Variants in TBCD observed in about 807,000 individuals in gnomAD.
The protein encoded by TBCD is tubulin folding cofactor D.
TBCD carries 105 observed loss-of-function variants against 169.3 expected under a neutral mutation model. The ratio of observed to expected loss-of-function variants is 0.62; its 90% CI spans 0.53 to 0.73. The LOEUF (loss-of-function observed/expected upper bound fraction) is 0.73, where lower values mean the gene tolerates loss of function less well. Ranked by LOEUF, TBCD falls within the 30% of genes least tolerant of loss-of-function variation. TBCD has a pLI of 0.00. For missense variants in TBCD, 1,444 were observed against 1,600.1 expected (o/e 0.90, Z 1.66); for synonymous variants, 700 against 643.9 (o/e 1.09, Z -1.32).
In TBCD at chr17:82,831,753, G is replaced by C; in HGVS notation, c.1318+16819G>C. ...GGTACTCTGGGATTGTGGGGTGCAT[G>C]TAAGGGGAAATGGCCCCAAGCCCCT... On this transcript the variant is annotated intron_variant, in intron 13 of 38. Transcript: ENST00000355528. This position sits in a 1 kb window ranked among gnomAD's most constrained non-coding sequence, Gnocchi z 4.6. 6.2e-7 allele frequency: 1 copy of C among 1,614,164 alleles called. No homozygotes were observed. Among genetic ancestry groups the C allele is most frequent in the Non-Finnish European group, 8.5e-7 (1 of 1,180,026 alleles).
chr17:82,846,049 G>C (rs951641653), intron 13 of TBCD, among the ~76,000 whole-genome samples: 1 of 152,250 alleles, frequency 6.6e-6, no homozygotes. Context: ...CTTCAGGAAC[G>C]GCTCCGGGCC....
intron 6 of TBCD, among the ~76,000 whole-genome samples, 196 bp downstream of exon 6, chr17:82,772,703 CAGT>C (rs1373172701): frequency 6.6e-6 from 1 of 152,212 alleles, no homozygotes; most frequent in Non-Finnish European, 1.5e-5. Context: ...TGACCACCCT[CAGT>C]GGTGGTTTGG....
intron 12 of TBCD, among the ~76,000 whole-genome samples, chr17:82,814,095 A>G (rs1411314679): frequency 6.6e-6 from 1 of 152,204 alleles, no homozygotes; most frequent in Non-Finnish European, 1.5e-5. Context: ...GACTTGATCG[A>G]TGGCCATTGC....
chr17:82,926,503 C>T lies in TBCD; in HGVS notation c.2471+12C>T, dbSNP rs770590693. ...AAGGCCATTGCGAGGTGAGTCCCAA[C>T]AGTTCCTCCCTAAAGTCGTAAGTCT... On this transcript the variant is annotated intron_variant, in intron 28 of 38. Transcript: ENST00000355528. 1.9e-6 allele frequency: 3 copies of T among 1,611,654 alleles called. No individual in the cohort carries two copies. The highest frequency in any genetic ancestry group is 1.1e-5 in the South Asian group (1 of 90,930).
chr17:82,899,249 C>T (rs944637104), intron 17 of TBCD, among the ~76,000 whole-genome samples: 6 of 145,992 alleles, frequency 4.1e-5, no homozygotes, highest in African/African-American at 1.4e-4. Flanking sequence ...CCTCAGCGCA[C>T]GTGTCCTCAG....
intron 2 of TBCD, among the ~76,000 whole-genome samples, chr17:82,761,083 C>T (rs1400465066): frequency 6.6e-6 from 1 of 152,036 alleles, no homozygotes; most frequent in Non-Finnish European, 1.5e-5. Flanking sequence ...CCTCAGCCTC[C>T]TGAGTAGCTG....
At chr17:82,830,008 T>G in intron 13 of TBCD, 2 of 1,387,392 alleles carry the variant, frequency 1.4e-6, no homozygotes, top group Non-Finnish European at 2.0e-6. Flanking sequence ...TGTTTGTTTG[T>G]TTGTTTGTTT....
At chr17:82,777,110 CTTTA>C (rs1168386125) in intron 6 of TBCD, among the ~76,000 whole-genome samples, 1 of 151,638 alleles carries the variant, frequency 6.6e-6, no homozygotes, top group Non-Finnish European at 1.5e-5. Flanking sequence ...TTTTTTTCTC[CTTTA>C]TTTAGTTATT....
At chr17:82,804,386 G>A (rs1421501213) in intron 9 of TBCD, among the ~76,000 whole-genome samples, 1 of 149,964 alleles carries the variant, frequency 6.7e-6, no homozygotes, top group Non-Finnish European at 1.5e-5. Flanking sequence ...CCTGGTCAGG[G>A]TCTCTCCTGA....
rs149769767 is a variant in TBCD, at chr17:82,887,380, C to A, written c.1534-2288C>A. Among the ~76,000 whole-genome samples, 112 of 152,202 alleles carry A rather than the reference C, an allele frequency of 7.4e-4. 1 individual carries two copies. The East Asian group carries it at 0.019, about 26-fold the overall frequency. ...CGTTGCCTATTCTATTCTGTCATCT[C>A]GAGAATGCTGTGTAAATGGACTCTG... On this transcript the variant is annotated intron_variant, in intron 15 of 38. Coordinates refer to ENST00000355528, the MANE Select transcript of TBCD (RefSeq NM_005993.5).
chr17:82,816,541 C>CT (rs969923350), intron 13 of TBCD, among the ~76,000 whole-genome samples: 1,836 of 147,158 alleles, frequency 0.012, 30 homozygotes, highest in African/African-American at 0.042. Context: ...TTGCTTTTAT[C>CT]TTTTTTTTTT....
chr17:82,903,732 C>A lies in TBCD; in HGVS notation c.1804+254C>A, dbSNP rs980721571. ...GAGCCCGTGATGGTCCCGCCGGATG[C>A]CTGACATGCAGTGCTGCTTCCCTGG... On this transcript the variant is annotated intron_variant, in intron 19 of 38. Coordinates refer to ENST00000355528, the MANE Select transcript of TBCD (RefSeq NM_005993.5). The surrounding 1 kb of genome is among the most constrained non-coding windows in gnomAD (Gnocchi z 4.8). Among the ~76,000 whole-genome samples, 2 of 152,190 alleles carry A rather than the reference C, an allele frequency of 1.3e-5. No individual in the cohort carries two copies. The highest frequency in any genetic ancestry group is 4.8e-5 in the African/African-American group (2 of 41,432).
intron 14 of TBCD, among the ~76,000 whole-genome samples, chr17:82,877,512 T>C (rs1041090555): frequency 6.6e-6 from 1 of 152,150 alleles, no homozygotes; most frequent in Non-Finnish European, 1.5e-5. Context: ...ATTAAGTTTT[T>C]TGTATTTTTA....
rs1423423815 is a variant in TBCD, at chr17:82,804,041, G to A, written c.951-1834G>A. Among the ~76,000 whole-genome samples the A allele has an allele frequency of 1.3e-4, 18 of 134,522 alleles. 1 individual carries two copies. Among genetic ancestry groups the A allele is most frequent in the African/African-American group, 4.8e-4 (17 of 35,452 alleles). 88.3% of individuals were successfully genotyped at this position (134,522 alleles called of 152,430 possible). ...CACCTGCCTGTGGGGCGTTAGCGGGGAGTGGGGGCCGGGGTGCACCTGCCT... is the reference window on the plus strand; with the variant it reads ...CACCTGCCTGTGGGGCGTTAGCGGGAAGTGGGGGCCGGGGTGCACCTGCCT... On this transcript the variant is annotated intron_variant, in intron 9 of 38. Coordinates refer to ENST00000355528, the MANE Select transcript of TBCD (RefSeq NM_005993.5).
intron 7 of TBCD, among the ~76,000 whole-genome samples, chr17:82,783,735 A>AAC (rs2049107938): frequency 6.6e-6 from 1 of 152,150 alleles, no homozygotes; most frequent in South Asian, 2.1e-4. Flanking sequence ...TCCATATGCC[A>AAC]GCGTGTGGGT....
chr17:82,753,296 C>T (rs946718926), intron 1 of TBCD, among the ~76,000 whole-genome samples: 4 of 152,180 alleles, frequency 2.6e-5, no homozygotes, highest in African/African-American at 9.6e-5. Context: ...GTCGCTTGGA[C>T]CTGATACTTG....
chr17:82,882,263 C>T (rs1226674629), intron 14 of TBCD, among the ~76,000 whole-genome samples: 1 of 152,234 alleles, frequency 6.6e-6, no homozygotes, highest in African/African-American at 2.4e-5. Flanking sequence ...GACCTTCCCA[C>T]CTGTTTCTCC....
chr17:82,867,647 A>G (rs181174510), intron 13 of TBCD, among the ~76,000 whole-genome samples: 2 of 152,318 alleles, frequency 1.3e-5, no homozygotes, highest in Admixed American at 1.3e-4. Context: ...TTTAGTTCGG[A>G]TCGAGGTAAT....
chr17:82,898,967 T>TCCC (rs2059680665), intron 17 of TBCD, among the ~76,000 whole-genome samples: 1 of 152,198 alleles, frequency 6.6e-6, no homozygotes, highest in African/African-American at 2.4e-5. Flanking sequence ...CAACACTCCT[T>TCCC]CCCCCCAGCC....
Sources: allele counts gnomAD v4.1 joint callset (sites outside exome capture counted in the v4.1 genomes callset), GRCh38; gene constraint gnomAD v4.1.1; non-coding constraint Gnocchi (gnomAD v3.1); transcripts MANE v1.5; gene names NCBI Gene and HGNC (gene_info 2026-07-23, HGNC 2026-07-21).